STK32B: variants seen among roughly 807,000 people sequenced by gnomAD.
The protein encoded by STK32B is serine/threonine kinase 32B.
Under a neutral mutation model 52.6 loss-of-function variants are expected in STK32B, and 43 were observed. The observed-to-expected ratio is 0.82, with a 90% CI of 0.64 to 1.05. The LOEUF (loss-of-function observed/expected upper bound fraction) is 1.05. STK32B is among the 50% of genes least tolerant of loss of function. The pLI is 0.00. For synonymous variants in STK32B, 238 were observed against 204.3 expected, an observed-to-expected ratio of 1.17 and a Z score of -1.41; for missense variants, 621 against 534.6, an observed-to-expected ratio of 1.16 and a Z score of -1.59.
chr4:5,186,503 C>G (rs1288469629), intron 3 of STK32B, among the ~76,000 whole-genome samples: 1 of 152,194 alleles, frequency 6.6e-6, no homozygotes, highest in Non-Finnish European at 1.5e-5. Flanking sequence ...TGCTAACCAG[C>G]AGTCGCTTAT....
In STK32B at chr4:5,475,693, G is replaced by A. The variant is rs537698557; in HGVS notation, c.1106+7623G>A. On this transcript the variant is annotated intron_variant, in intron 11 of 11. Transcript: ENST00000282908. The stretch of plus-strand genomic sequence containing the variant: ...AGCCTGGGCAACAGAGCAATACTCC[G>A]TTCCAAAAAAAAAAAAGTGTGACCG... Among the ~76,000 whole-genome samples, 1,113 of 145,372 alleles carry A rather than the reference G, an allele frequency of 7.7e-3. 14 individuals are homozygous for A. Among genetic ancestry groups the A allele is most frequent in the African/African-American group, 0.026 (1,025 of 39,276 alleles).
chr4:5,453,859 C>A lies in STK32B; in HGVS notation c.667-2948C>A, dbSNP rs1159394109. 6.6e-6 allele frequency among the ~76,000 whole-genome samples: 1 copy of A among 152,006 alleles called. No homozygotes were observed. Among genetic ancestry groups the A allele is most frequent in the African/African-American group, 2.4e-5 (1 of 41,364 alleles). The stretch of plus-strand genomic sequence containing the variant: ...GGTGGAGGTTGCAGTGAGCCGAGAT[C>A]ATACCATTGCACTCCAGTCTAGGCG... On this transcript the variant is annotated intron_variant, in intron 7 of 11. Coordinates refer to ENST00000282908, the MANE Select transcript of STK32B (RefSeq NM_018401.3). This position sits in a 1 kb window ranked among gnomAD's most constrained non-coding sequence, Gnocchi z 4.0.
intron 3 of STK32B, among the ~76,000 whole-genome samples, chr4:5,178,695 T>C (rs1467715909): frequency 6.6e-6 from 1 of 152,222 alleles, no homozygotes; most frequent in African/African-American, 2.4e-5. Context: ...CACAGATCTC[T>C]AGGGCAAGGG....
chr4:5,113,496 G>A (rs1196438005), intron 1 of STK32B, among the ~76,000 whole-genome samples: 13 of 151,828 alleles, frequency 8.6e-5, no homozygotes, highest in Admixed American at 2.6e-4. Flanking sequence ...TAAGTACTTC[G>A]TGTTATAAGC....
chr4:5,207,590 C>A (rs1722649771), intron 3 of STK32B, among the ~76,000 whole-genome samples: 1 of 152,034 alleles, frequency 6.6e-6, no homozygotes, highest in Non-Finnish European at 1.5e-5. Context: ...TGGACTAATA[C>A]ACCCTGTGAC....
At position 5,396,486 on chromosome 4, in the gene STK32B, A is replaced by C. The variant is rs557733110; in HGVS notation, c.435-1721A>C. Among the ~76,000 whole-genome samples the C allele has an allele frequency of 6.6e-6, 1 of 152,184 alleles. No individual in the cohort carries two copies. The highest frequency in any genetic ancestry group is 1.5e-5 in the Non-Finnish European group (1 of 68,020). Reference sequence around the variant, plus strand: ...TCCCATTCTGAAGTTCTGGGTGGACATGAATTTTGAAGGGACACCATTCAA... The same window carrying C: ...TCCCATTCTGAAGTTCTGGGTGGACCTGAATTTTGAAGGGACACCATTCAA... On this transcript the variant is annotated intron_variant, in intron 4 of 11. Coordinates refer to ENST00000282908, the MANE Select transcript of STK32B (RefSeq NM_018401.3). The surrounding 1 kb of genome is among the most constrained non-coding windows in gnomAD (Gnocchi z 4.7).
intron 6 of STK32B, among the ~76,000 whole-genome samples, chr4:5,430,907 C>T (rs569615525): frequency 6.6e-6 from 1 of 152,350 alleles, no homozygotes; most frequent in Admixed American, 6.5e-5. Context: ...TCTCTCTGTG[C>T]TCCTGTTCTC....
intron 3 of STK32B, among the ~76,000 whole-genome samples, chr4:5,293,510 C>T (rs79962346): frequency 0.14 from 20,850 of 152,032 alleles, 2,878 homozygotes; most frequent in African/African-American, 0.36. Flanking sequence ...TATCTCATTG[C>T]AGTTTTGATT....
chr4:5,169,226 G>T (rs1431238828), intron 3 of STK32B, among the ~76,000 whole-genome samples: 1 of 152,072 alleles, frequency 6.6e-6, no homozygotes, highest in Admixed American at 6.6e-5. Flanking sequence ...AGGTTATTGG[G>T]TTACTTATCT....
At chr4:5,284,586 G>T (rs1728424585) in intron 3 of STK32B, among the ~76,000 whole-genome samples, 1 of 152,136 alleles carries the variant, frequency 6.6e-6, no homozygotes, top group Non-Finnish European at 1.5e-5. Flanking sequence ...GACATTCAAA[G>T]TTGATAGACA....
intron 3 of STK32B, among the ~76,000 whole-genome samples, chr4:5,330,850 G>A (rs1560325742): frequency 6.6e-6 from 1 of 152,180 alleles, no homozygotes; most frequent in Non-Finnish European, 1.5e-5. Flanking sequence ...AGGGGAGTGT[G>A]TCTTTGGAGG....
At chr4:5,353,543 GT>G (rs951201425) in intron 4 of STK32B, among the ~76,000 whole-genome samples, 8 of 118,140 alleles carry the variant, frequency 6.8e-5, no homozygotes, top group Non-Finnish European at 1.1e-4. Flanking sequence ...GAACTCAACA[GT>G]AAAAAAAAAA....
At chr4:5,496,745 G>T (rs1273838571) in intron 11 of STK32B, among the ~76,000 whole-genome samples, 2 of 151,464 alleles carry the variant, frequency 1.3e-5, no homozygotes, top group Non-Finnish European at 2.9e-5. Context: ...AGATCAAAAT[G>T]TTGCCGTTCC....
chr4:5,131,385 T>TAA (rs1470217553), intron 1 of STK32B, among the ~76,000 whole-genome samples: 2 of 152,264 alleles, frequency 1.3e-5, no homozygotes, highest in African/African-American at 4.8e-5. Context: ...TGATTACATC[T>TAA]AAGATGCTTT....
chr4:5,148,370 A>AT (rs1230276497), intron 2 of STK32B, among the ~76,000 whole-genome samples: 1 of 151,824 alleles, frequency 6.6e-6, no homozygotes, highest in Non-Finnish European at 1.5e-5. Context: ...TAATATAAGC[A>AT]TTTTAAGCTA....
chr4:5,367,786 C>T (rs6839122), intron 4 of STK32B, among the ~76,000 whole-genome samples: 7,132 of 152,238 alleles, frequency 0.047, 232 homozygotes, highest in African/African-American at 0.087. Context: ...CTCTGCTGGA[C>T]AGCAGAGCCC....
At chr4:5,043,414 C>T in the STK32B span, among the ~76,000 whole-genome samples, 28 of 152,204 alleles carry the variant, frequency 1.8e-4, no homozygotes, top group Non-Finnish European at 4.0e-4. Context: ...TTATTCTGAA[C>T]TGTGCATATA....
At chr4:5,030,824 T>A in the STK32B span, among the ~76,000 whole-genome samples, 2 of 152,134 alleles carry the variant, frequency 1.3e-5, no homozygotes, top group Non-Finnish European at 2.9e-5. Flanking sequence ...TTTACATGAA[T>A]GCTAACAAGC....
intron 3 of STK32B, among the ~76,000 whole-genome samples, chr4:5,174,313 T>C (rs1719639893): frequency 6.6e-6 from 1 of 152,230 alleles, no homozygotes; most frequent in Non-Finnish European, 1.5e-5. Context: ...TTAAGGTTAA[T>C]ATTGTTATGT....
Sources: allele counts gnomAD v4.1 joint callset (sites outside exome capture counted in the v4.1 genomes callset), GRCh38; gene constraint gnomAD v4.1.1; non-coding constraint Gnocchi (gnomAD v3.1); transcripts MANE v1.5; gene names NCBI Gene and HGNC (gene_info 2026-07-23, HGNC 2026-07-21).